TNR: variants seen among roughly 807,000 people sequenced by gnomAD.
TNR encodes the protein tenascin R, also known as tenascin-R.
In TNR, 45 loss-of-function variants were observed where a neutral mutation model predicts 150.4. The ratio of observed to expected loss-of-function variants is 0.30; its 90% CI spans 0.24 to 0.38. The LOEUF (loss-of-function observed/expected upper bound fraction) is 0.38, where lower values mean the gene tolerates loss of function less well. Among genes scored for constraint, TNR ranks in the 10% least tolerant of loss-of-function variants. The probability of loss-of-function intolerance (pLI) is 1.00; values close to 1 mark genes in which losing one functional copy is unlikely to be tolerated. For missense variants in TNR, 1,544 were observed against 1,759.1 expected, an observed-to-expected ratio of 0.88 and a Z score of 2.19; for synonymous variants, 687 against 678.4, an observed-to-expected ratio of 1.01 and a Z score of -0.20.
chr1:175,702,048 C>T (rs16848979), intron 1 of TNR, among the ~76,000 whole-genome samples: 31,581 of 152,048 alleles, frequency 0.21, 5,374 homozygotes, highest in African/African-American at 0.46. Flanking sequence ...AACAGTCTTG[C>T]CCCTTAATTA....
intron 18 of TNR, among the ~76,000 whole-genome samples, chr1:175,353,855 T>A (rs561433168): frequency 2.9e-4 from 35 of 119,536 alleles, no homozygotes; most frequent in Middle Eastern, 4.3e-3. Flanking sequence ...TTATTTATTT[T>A]TTTTTTTTGA....
At chr1:175,686,047 G>A (rs1033461596) in intron 1 of TNR, among the ~76,000 whole-genome samples, 2 of 151,614 alleles carry the variant, frequency 1.3e-5, no homozygotes, top group Non-Finnish European at 2.9e-5. Flanking sequence ...TTGATTGCAC[G>A]CACACACGCA....
chr1:175,584,796 T>TA (rs112378675), intron 1 of TNR, among the ~76,000 whole-genome samples: 19,937 of 152,112 alleles, frequency 0.13, 1,728 homozygotes, highest in African/African-American at 0.25. Flanking sequence ...AGCCACATTT[T>TA]AAAAAAAGTT....
In TNR at chr1:175,599,257, C is replaced by T. The variant is rs1221641625; in HGVS notation, c.-164-70888G>A. Among the ~76,000 whole-genome samples the T allele has an allele frequency of 1.3e-5, 2 of 152,214 alleles. No individual in the cohort carries two copies. Among genetic ancestry groups the T allele is most frequent in the African/African-American group, 4.8e-5 (2 of 41,460 alleles). On this transcript the variant is annotated intron_variant, in intron 1 of 22. Transcript: ENST00000367674. The surrounding 1 kb of genome is among the most constrained non-coding windows in gnomAD (Gnocchi z 4.7). ...TGGCCACCTCGGGTCACCGCTCCTC[C>T]CTTTCAGGCGCCCGGGTTTGCCCAC...
chr1:175,566,408 A>T (rs7514520), intron 1 of TNR, among the ~76,000 whole-genome samples: 30,971 of 152,102 alleles, frequency 0.2, 4,859 homozygotes, highest in African/African-American at 0.44. Flanking sequence ...ACGGTGTTTG[A>T]GAGTCTCTGG....
At chr1:175,442,713 G>T (rs1012834329) in intron 2 of TNR, among the ~76,000 whole-genome samples, 9 of 151,758 alleles carry the variant, frequency 5.9e-5, no homozygotes, top group African/African-American at 2.0e-4. Flanking sequence ...AATAGGAAAA[G>T]TCTTGTCAAC....
intron 1 of TNR, among the ~76,000 whole-genome samples, chr1:175,682,541 C>T (rs540871014): frequency 7.1e-4 from 108 of 152,300 alleles, no homozygotes; most frequent in Non-Finnish European, 1.2e-3. Flanking sequence ...TCCTGACTCC[C>T]ACCATCTTCT....
chr1:175,488,501 C>A (rs1239921883), intron 2 of TNR, among the ~76,000 whole-genome samples: 1 of 152,194 alleles, frequency 6.6e-6, no homozygotes, highest in Non-Finnish European at 1.5e-5. Flanking sequence ...CCCAGTTTCT[C>A]TGCTGGGCTG....
chr1:175,356,222 C>G lies in TNR; in HGVS notation c.3118+97G>C, dbSNP rs1298246019. ...AAGAACAGCTCATAGCTGCCCTGTC[C>G]AAAGCCTGTAAGTGATAATCTAGTC... On this transcript the variant is annotated intron_variant, in intron 16 of 22. Coordinates refer to ENST00000367674, the MANE Select transcript of TNR (RefSeq NM_003285.3). The G allele has an allele frequency of 2.0e-6, 3 of 1,522,358 alleles. No individual in the cohort carries two copies. In the African/African-American group the frequency reaches 4.1e-5, roughly 21 times the overall value. The allele number at this position is 1,522,358 out of a possible 1,614,324, so 94.3% of individuals were successfully genotyped here. A position where few individuals can be genotyped will look rare whatever the true frequency, so the allele number is the denominator to read the frequency against.
intron 1 of TNR, among the ~76,000 whole-genome samples, chr1:175,716,310 G>C (rs1667153138): frequency 6.6e-6 from 1 of 152,042 alleles, no homozygotes; most frequent in Non-Finnish European, 1.5e-5. Context: ...CTGTCTGATG[G>C]CCTAATAATC....
intron 2 of TNR, among the ~76,000 whole-genome samples, chr1:175,453,742 A>C (rs1226503818): frequency 6.6e-6 from 1 of 151,796 alleles, no homozygotes; most frequent in African/African-American, 2.4e-5. Context: ...TGGCTAATTA[A>C]AAAAGTTTTT....
At chr1:175,727,288 A>G (rs917221541) in intron 1 of TNR, among the ~76,000 whole-genome samples, 35 of 152,336 alleles carry the variant, frequency 2.3e-4, no homozygotes, top group Middle Eastern at 3.4e-3. Context: ...AGTTTTCCCA[A>G]TAGTAAGTAC....
chr1:175,728,059 A>G lies in TNR; in HGVS notation c.-165+15167T>C, dbSNP rs189141076. Among the ~76,000 whole-genome samples the G allele has an allele frequency of 1.5e-4, 23 of 152,342 alleles. No homozygotes were observed. The East Asian group carries it at 3.9e-3, about 26-fold the overall frequency. On this transcript the variant is annotated intron_variant, in intron 1 of 22. Transcript: ENST00000367674. ...TCTCTGGCAATGTATAGTTGTTCAG[A>G]CATAAGTGTGGATAGACCAGAAATT...
chr1:175,711,448 G>A (rs1193954475), intron 1 of TNR, among the ~76,000 whole-genome samples: 1 of 152,208 alleles, frequency 6.6e-6, no homozygotes. Context: ...GGCAATGGGA[G>A]ATGATAAGAG....
chr1:175,644,571 C>A (rs113685804), intron 1 of TNR, among the ~76,000 whole-genome samples: 192 of 152,340 alleles, frequency 1.3e-3, no homozygotes, highest in African/African-American at 4.5e-3. Flanking sequence ...AGCTGGACAA[C>A]TCCAAGGGAA....
At chr1:175,469,806 T>C (rs560591579) in intron 2 of TNR, among the ~76,000 whole-genome samples, 1 of 151,958 alleles carries the variant, frequency 6.6e-6, no homozygotes, top group African/African-American at 2.4e-5. Flanking sequence ...TTGACATCAA[T>C]ATGGCTCATA....
At chr1:175,552,441 G>A (rs556570904) in intron 1 of TNR, among the ~76,000 whole-genome samples, 3 of 152,274 alleles carry the variant, frequency 2.0e-5, no homozygotes, top group Non-Finnish European at 4.4e-5. Context: ...AGTTTACAAA[G>A]TCCTTGCACA....
At chr1:175,677,836 T>C (rs774960475) in intron 1 of TNR, among the ~76,000 whole-genome samples, 1 of 152,024 alleles carries the variant, frequency 6.6e-6, no homozygotes, top group Non-Finnish European at 1.5e-5. Context: ...AGGAAAGAGG[T>C]TTGAAAACGG....
chr1:175,627,723 T>C (rs1664198236), intron 1 of TNR, among the ~76,000 whole-genome samples: 2 of 150,654 alleles, frequency 1.3e-5, no homozygotes, highest in Admixed American at 1.3e-4. Context: ...CCAAAATGAC[T>C]AAGATCAGTT....
Sources: allele counts gnomAD v4.1 joint callset (sites outside exome capture counted in the v4.1 genomes callset), GRCh38; gene constraint gnomAD v4.1.1; non-coding constraint Gnocchi (gnomAD v3.1); transcripts MANE v1.5; gene names NCBI Gene and HGNC (gene_info 2026-07-23, HGNC 2026-07-21).